ROBO2: variants seen among roughly 807,000 people sequenced by gnomAD.
ROBO2 encodes roundabout guidance receptor 2.
ROBO2 carries 53 observed loss-of-function variants against 160.8 expected under a neutral mutation model. The observed-to-expected ratio is 0.33, with a 90% CI of 0.26 to 0.41. The LOEUF is 0.41. ROBO2 is among the 10% of genes least tolerant of loss of function. The pLI is 1.00. For missense variants in ROBO2, 1,577 were observed against 1,722.4 expected, an observed-to-expected ratio of 0.92 and a Z score of 1.49; for synonymous variants, 664 against 611.7, an observed-to-expected ratio of 1.09 and a Z score of -1.26.
chr3:76,887,730 C>G (rs1338127089), intron 2 of ROBO2, among the ~76,000 whole-genome samples: 3 of 152,136 alleles, frequency 2.0e-5, no homozygotes, highest in African/African-American at 7.2e-5. Context: ...ATTAAATGTG[C>G]ACTTTCTATG....
At chr3:77,225,762 C>T (rs192699366) in intron 2 of ROBO2, among the ~76,000 whole-genome samples, 16 of 152,086 alleles carry the variant, frequency 1.1e-4, no homozygotes, top group African/African-American at 3.6e-4. Flanking sequence ...AAAAGACTCA[C>T]TGCAATTGAA....
intron 2 of ROBO2, among the ~76,000 whole-genome samples, chr3:76,044,809 G>A (rs1040525118): frequency 3.9e-5 from 6 of 152,036 alleles, no homozygotes; most frequent in South Asian, 2.1e-4. Flanking sequence ...AGGGACTTGC[G>A]TTAGGTAAGG....
intron 2 of ROBO2, among the ~76,000 whole-genome samples, chr3:76,197,979 A>G (rs1236661422): frequency 6.6e-6 from 1 of 152,154 alleles, no homozygotes; most frequent in Non-Finnish European, 1.5e-5. Context: ...AGTTCTAGAA[A>G]TTCCCACCAA....
chr3:76,419,550 C>G (rs2075902739), intron 2 of ROBO2, among the ~76,000 whole-genome samples: 14 of 151,940 alleles, frequency 9.2e-5, no homozygotes. Context: ...TCTAAATGAA[C>G]TACCTGTATA....
intron 2 of ROBO2, among the ~76,000 whole-genome samples, chr3:77,224,045 T>C (rs1560280498): frequency 6.6e-6 from 1 of 152,000 alleles, no homozygotes; most frequent in Non-Finnish European, 1.5e-5. Flanking sequence ...AGTAAATGAG[T>C]CTGTGCCACT....
intron 2 of ROBO2, among the ~76,000 whole-genome samples, chr3:77,428,021 G>T (rs1333888532): frequency 6.6e-6 from 1 of 151,860 alleles, no homozygotes; most frequent in Non-Finnish European, 1.5e-5. Context: ...TTGAATTCTA[G>T]CTGTGATATC....
intron 2 of ROBO2, among the ~76,000 whole-genome samples, chr3:76,046,213 A>C (rs2067442031): frequency 6.6e-6 from 1 of 152,012 alleles, no homozygotes; most frequent in South Asian, 2.1e-4. Context: ...AGGGACTATA[A>C]TCACAAATTC....
At chr3:77,097,191 A>G (rs2071197564) in intron 1 of ROBO2, among the ~76,000 whole-genome samples, 1 of 152,126 alleles carries the variant, frequency 6.6e-6, no homozygotes, top group Admixed American at 6.5e-5. Flanking sequence ...GAAATGTACC[A>G]TGCACGTAAC....
chr3:76,042,038 A>C (rs1051031409), intron 2 of ROBO2, among the ~76,000 whole-genome samples: 1 of 151,560 alleles, frequency 6.6e-6, no homozygotes, highest in Non-Finnish European at 1.5e-5. Context: ...AAAAAAAAAA[A>C]AAAACACCCC....
At chr3:76,371,016 C>T (rs114112442) in intron 2 of ROBO2, among the ~76,000 whole-genome samples, 1 of 151,862 alleles carries the variant, frequency 6.6e-6, no homozygotes, top group Non-Finnish European at 1.5e-5. Flanking sequence ...ATGCCTCCCC[C>T]ATGAGTAGTT....
intron 2 of ROBO2, among the ~76,000 whole-genome samples, chr3:75,961,807 A>G (rs971113952): frequency 1.3e-5 from 2 of 151,718 alleles, no homozygotes; most frequent in African/African-American, 2.4e-5. Flanking sequence ...CAAGAGAATC[A>G]AACTATATTA....
intron 2 of ROBO2, among the ~76,000 whole-genome samples, chr3:76,851,741 C>CAAAA (rs71104629): frequency 0.011 from 667 of 63,172 alleles, 29 homozygotes; most frequent in African/African-American, 0.038. Context: ...GACTCCGTCT[C>CAAAA]AAAAAAAAAA....
intron 2 of ROBO2, among the ~76,000 whole-genome samples, chr3:76,715,794 C>T (rs769443207): frequency 2.6e-5 from 4 of 152,122 alleles, no homozygotes; most frequent in Non-Finnish European, 4.4e-5. Flanking sequence ...TACACAGAGG[C>T]TTTCAATCCA....
chr3:77,477,486 G>T, exon 3 of ROBO2: 1 of 1,613,958 alleles, frequency 6.2e-7, no homozygotes, highest in Non-Finnish European at 8.5e-7. Context: ...ATCCTGGAGT[G>T]CCAGCCTCCC....
chr3:76,387,182 A>G (rs2076932376), intron 2 of ROBO2, among the ~76,000 whole-genome samples: 1 of 152,074 alleles, frequency 6.6e-6, no homozygotes, highest in African/African-American at 2.4e-5. Context: ...CCCTTTTGTA[A>G]GGCAGTAATC....
rs185896668 is a variant in ROBO2, at chr3:77,180,659, G to T, written c.388+82319G>T. ...AAATGGAAAAGCTGTGATGTTCATA[G>T]ACACATTAGGGATGTATTATTATCT... On this transcript the variant is annotated intron_variant, in intron 2 of 25. Coordinates refer to ENST00000461745, the Ensembl canonical transcript of ROBO2. 3.9e-3 allele frequency among the ~76,000 whole-genome samples: 585 copies of T among 151,598 alleles called. 1 individual carries two copies. The highest frequency in any genetic ancestry group is 0.011 in the African/African-American group (472 of 41,396).
chr3:76,690,225 T>C (rs1042149443), intron 2 of ROBO2, among the ~76,000 whole-genome samples: 2 of 152,102 alleles, frequency 1.3e-5, no homozygotes. Context: ...TGCTCAATCA[T>C]GGAGTATCTG....
intron 2 of ROBO2, among the ~76,000 whole-genome samples, chr3:76,317,590 GT>G (rs1452803268): frequency 3.3e-5 from 5 of 152,226 alleles, no homozygotes; most frequent in Non-Finnish European, 7.4e-5. Flanking sequence ...TTACGTCTGA[GT>G]TTCATTTGTT....
At chr3:76,555,375 G>GAA (rs1416591405) in intron 2 of ROBO2, among the ~76,000 whole-genome samples, 3 of 52,012 alleles carry the variant, frequency 5.8e-5, no homozygotes, top group African/African-American at 1.1e-4. Context: ...AGAAGAAGAA[G>GAA]AAGAAGAAGA....
Sources: gnomAD v4.1 joint callset for allele counts (sites outside exome capture counted in the v4.1 genomes callset) on GRCh38, gnomAD v4.1.1 for gene constraint, MANE v1.5 for transcripts, NCBI Gene and HGNC (gene_info 2026-07-23, HGNC 2026-07-21) for gene names.